The following MICU1 variants were observed in gnomAD, a reference collection of about 807,000 sequenced individuals.
MICU1 encodes the protein mitochondrial calcium uptake 1, also known as calcium uptake protein 1, mitochondrial.
A neutral mutation model predicts 56.8 loss-of-function variants in MICU1; 45 were observed. That is an observed-to-expected ratio of 0.79 (90% CI 0.62 to 1.02). The LOEUF is 1.02. Among genes scored for constraint, MICU1 ranks in the 50% least tolerant of loss-of-function variants. The probability of loss-of-function intolerance (pLI) is 0.00; values close to 1 mark genes in which losing one functional copy is unlikely to be tolerated. For synonymous variants in MICU1, 186 were observed against 195.1 expected, an observed-to-expected ratio of 0.95 and a Z score of 0.39; for missense variants, 504 against 587.1, an observed-to-expected ratio of 0.86 and a Z score of 1.46.
intron 8 of MICU1, among the ~76,000 whole-genome samples, chr10:72,434,865 G>C (rs150657970): frequency 4.9e-4 from 75 of 152,244 alleles, no homozygotes; most frequent in African/African-American, 1.8e-3. Flanking sequence ...GCATTCATAA[G>C]AGAGTTGGAA....
chr10:72,486,853 G>A (rs1285337622), intron 6 of MICU1, among the ~76,000 whole-genome samples: 6 of 152,030 alleles, frequency 3.9e-5, no homozygotes, highest in East Asian at 3.9e-4. Flanking sequence ...AAACCTATGC[G>A]TGGATTTAAA....
rs377551363 is a variant in MICU1, at chr10:72,508,219, G to A, written c.588C>T (p.Tyr196=). ...ATATGAGCCCACATTCTCCAAGGGT[G>A]TAAAATATACTGCCTTCATCAGCAA... is the stretch of plus-strand genomic sequence containing the variant. The part of the protein sequence containing the change: ...EKFADEGSIF[Y]TLGECGLISF... Residue 196 remains tyrosine, a synonymous_variant, in exon 6 of 12, where the codon TAC becomes TAT. Transcript: ENST00000361114. 9.0e-6 allele frequency: 14 copies of A among 1,548,288 alleles called. No individual in the cohort carries two copies. Among genetic ancestry groups the A allele is most frequent in the South Asian group, 1.3e-5 (1 of 79,956 alleles).
chr10:72,527,759 AAGCTTCTTAT>A (rs969406270), intron 5 of MICU1, among the ~76,000 whole-genome samples: 5 of 152,202 alleles, frequency 3.3e-5, no homozygotes, highest in African/African-American at 1.2e-4. Flanking sequence ...AGCACTCAAA[AAGCTTCTTAT>A]TATTGACGAT....
intron 8 of MICU1, among the ~76,000 whole-genome samples, chr10:72,465,988 C>A (rs1020859712): frequency 5.9e-5 from 9 of 152,154 alleles, no homozygotes; most frequent in African/African-American, 9.7e-5. Flanking sequence ...TAGATCTTAG[C>A]AACCTCACCA....
chr10:72,496,008 C>A (rs1476711462), intron 6 of MICU1, among the ~76,000 whole-genome samples: 3 of 151,764 alleles, frequency 2.0e-5, no homozygotes, highest in Non-Finnish European at 2.9e-5. Context: ...GCTCTGTCAC[C>A]CAGGCTAGAG....
intron 1 of MICU1, among the ~76,000 whole-genome samples, chr10:72,622,511 T>C (rs1381985403): frequency 1.3e-5 from 2 of 152,176 alleles, no homozygotes; most frequent in South Asian, 2.1e-4. Context: ...TCAATGAAAC[T>C]ACCATACAGT....
intron 8 of MICU1, among the ~76,000 whole-genome samples, chr10:72,441,112 G>A (rs920364616): frequency 1.3e-5 from 2 of 152,082 alleles, no homozygotes; most frequent in African/African-American, 4.8e-5. Context: ...TATGTTTATC[G>A]CGGCACTACT....
At chr10:72,456,179 G>A (rs1034967773) in intron 8 of MICU1, among the ~76,000 whole-genome samples, 11 of 152,178 alleles carry the variant, frequency 7.2e-5, no homozygotes, top group Admixed American at 2.6e-4. Context: ...ATAAACTGCT[G>A]GCATGGTCTT....
At chr10:72,469,812 T>C (rs1865897165) in intron 8 of MICU1, among the ~76,000 whole-genome samples, 3 of 152,108 alleles carry the variant, frequency 2.0e-5, no homozygotes, top group Admixed American at 6.6e-5. Flanking sequence ...GTCAGCAGGG[T>C]TGGTTTCCTC....
chr10:72,462,038 G>A (rs996574074), intron 8 of MICU1, among the ~76,000 whole-genome samples: 8 of 152,108 alleles, frequency 5.3e-5, no homozygotes, highest in African/African-American at 1.9e-4. Context: ...GTGAGACTTT[G>A]AGCAAGTTAT....
intron 8 of MICU1, among the ~76,000 whole-genome samples, chr10:72,455,241 A>T (rs559316915): frequency 5.0e-4 from 75 of 150,494 alleles, no homozygotes; most frequent in Non-Finnish European, 9.7e-4. Context: ...AATCCCAGCT[A>T]CTCAGGAGGC....
chr10:72,384,184 G>A (rs1313338862), intron 10 of MICU1, among the ~76,000 whole-genome samples: 1 of 151,872 alleles, frequency 6.6e-6, no homozygotes, highest in African/African-American at 2.4e-5. Context: ...TTGTAGAGAT[G>A]GGGTTTCACC....
At chr10:72,605,898 A>G (rs1361876500) in intron 1 of MICU1, among the ~76,000 whole-genome samples, 2 of 152,178 alleles carry the variant, frequency 1.3e-5, no homozygotes, top group African/African-American at 4.8e-5. Flanking sequence ...TAGGAGGCCA[A>G]GGTGGGTGGA....
chr10:72,443,797 T>G (rs1408561439), intron 8 of MICU1, among the ~76,000 whole-genome samples: 1 of 151,862 alleles, frequency 6.6e-6, no homozygotes, highest in Non-Finnish European at 1.5e-5. Flanking sequence ...GTTCAACCAT[T>G]GTGGAAGTCA....
intron 8 of MICU1, among the ~76,000 whole-genome samples, chr10:72,424,051 C>A (rs1027627627): frequency 1.3e-5 from 2 of 151,966 alleles, no homozygotes; most frequent in African/African-American, 2.4e-5. Flanking sequence ...TGTCAATGAG[C>A]AAAACATAGA....
At chr10:72,614,555 T>C (rs531508112) in intron 1 of MICU1, among the ~76,000 whole-genome samples, 1 of 152,340 alleles carries the variant, frequency 6.6e-6, no homozygotes, top group African/African-American at 2.4e-5. Flanking sequence ...TTCTTAATCA[T>C]GGCAAAATTT....
At chr10:72,400,272 C>T (rs184338076) in intron 10 of MICU1, among the ~76,000 whole-genome samples, 1 of 152,200 alleles carries the variant, frequency 6.6e-6, no homozygotes, top group Admixed American at 6.5e-5. Flanking sequence ...CACTAGGTTG[C>T]AATTTCCCTT....
chr10:72,560,686 A>G (rs1840274614), intron 3 of MICU1, among the ~76,000 whole-genome samples: 1 of 152,176 alleles, frequency 6.6e-6, no homozygotes, highest in Non-Finnish European at 1.5e-5. Context: ...TCTGGCTAAC[A>G]TGGTGAAACC....
intron 1 of MICU1, among the ~76,000 whole-genome samples, chr10:72,579,701 A>C (rs891555946): frequency 6.6e-6 from 1 of 152,212 alleles, no homozygotes. Context: ...TATGCCAAAC[A>C]ACCACAGAAT....
Sources: gnomAD v4.1 joint callset for allele counts (sites outside exome capture counted in the v4.1 genomes callset) on GRCh38, gnomAD v4.1.1 for gene constraint, MANE v1.5 for transcripts, NCBI Gene and HGNC (gene_info 2026-07-23, HGNC 2026-07-21) for gene names.